The following ABCF3 variants were observed in gnomAD, a reference collection of about 807,000 sequenced individuals.
The protein encoded by ABCF3 is ATP-binding cassette sub-family F member 3.
A neutral mutation model predicts 94.3 loss-of-function variants in ABCF3; 62 were observed. The ratio of observed to expected loss-of-function variants is 0.66; its 90% CI spans 0.54 to 0.81. The LOEUF is 0.81. ABCF3 is among the 40% of genes least tolerant of loss of function. The pLI is 0.00. For missense variants in ABCF3, 843 were observed against 925.3 expected (o/e 0.91, Z 1.15); for synonymous variants, 355 against 361.1 (o/e 0.98, Z 0.19).
At chr3:184,191,766 G>T (rs62287470) in intron 16 of ABCF3, among the ~76,000 whole-genome samples, 1 of 47,784 alleles carries the variant, frequency 2.1e-5, no homozygotes, top group Non-Finnish European at 4.4e-5. Flanking sequence ...TTTTTTTTCG[G>T]AGACAGAGTC....
In ABCF3 at chr3:184,187,654, G is replaced by A; in HGVS notation, c.349-10G>A. ...ACCCGAGAGTGAAGTCGATGTGTTT[G>A]GACCCTTAGACAGTGAATGCAAAGA... On this transcript the variant is annotated splice_polypyrimidine_tract_variant and intron_variant, in intron 4 of 20. Transcript: ENST00000429586. 2 of 1,614,028 alleles carry A rather than the reference G, an allele frequency of 1.2e-6. No homozygotes were observed. The highest frequency in any genetic ancestry group is 1.7e-6 in the Non-Finnish European group (2 of 1,179,880).
rs781339240 is a variant in ABCF3, at chr3:184,189,623, A to G, written c.1180A>G (p.Ile394Val). 1.9e-6 allele frequency: 3 copies of G among 1,614,206 alleles called. No individual in the cohort carries two copies. The highest frequency in any genetic ancestry group is 1.7e-5 in the Admixed American group (1 of 60,026). The change falls in exon 13 of 21, where the codon ATC becomes GTC. Residue 394 changes from isoleucine (I) to valine (V), a missense_variant. Transcript: ENST00000429586. ...RNFLNAIATD[I>V]IHLHSQRLDG... ...CTTCTTGAATGCCATCGCCACAGAC[A>G]TCATCCACCTGCACAGCCAGCGGCT...
chr3:184,186,475 A>T, intron 1 of ABCF3, 32 bp from the exon 2 acceptor site: 7 of 1,596,014 alleles, frequency 4.4e-6, no homozygotes, highest in South Asian at 1.1e-5. Flanking sequence ...ACCCTACCCG[A>T]TACCTTCCTC....
At chr3:184,191,074 A>G in intron 15 of ABCF3, 31 bp downstream of exon 15, 2 of 1,614,120 alleles carry the variant, frequency 1.2e-6, no homozygotes, top group Non-Finnish European at 1.7e-6. Flanking sequence ...GCTGGTGGGG[A>G]ATTGCTTGCT....
chr3:184,187,853 C>A lies in ABCF3; in HGVS notation c.447-8C>A. 6.2e-7 allele frequency: 1 copy of A among 1,614,114 alleles called. No individual in the cohort carries two copies. Among genetic ancestry groups the A allele is most frequent in the Non-Finnish European group, 8.5e-7 (1 of 1,180,038 alleles). On this transcript the variant is annotated splice_region_variant and splice_polypyrimidine_tract_variant and intron_variant, in intron 5 of 20. Coordinates refer to ENST00000429586, the MANE Select transcript of ABCF3 (RefSeq NM_018358.3). ...AGCACTAAGAGCTGTCCATTTCTCC[C>A]TTTAAAGAGTCTTAGAAGAGGCATC... is the stretch of plus-strand genomic sequence containing the variant.
rs1716135752 is a variant in ABCF3, at chr3:184,193,150, C to T, written c.1799C>T (p.Ser600Phe). The T allele has an allele frequency of 6.4e-7, 1 of 1,564,280 alleles. No individual in the cohort carries two copies. The highest frequency in any genetic ancestry group is 8.6e-7 in the Non-Finnish European group (1 of 1,156,240). ...YRHQLGRYGI[S>F]GELAMRPLAS... The stretch of plus-strand genomic sequence containing the variant: ...CACCAGCTGGGTCGGTATGGCATCT[C>T]CGGAGAACTGGCCATGCGTCCTCTT... The change falls in exon 19 of 21, where the codon TCC becomes TTC. Residue 600 changes from serine to phenylalanine, a missense_variant. Transcript: ENST00000429586. The surrounding 1 kb of genome is among the most constrained non-coding windows in gnomAD (Gnocchi z 5.2).
chr3:184,186,739 G>A, intron 2 of ABCF3, 57 bp from the exon 3 acceptor site: 1 of 1,594,532 alleles, frequency 6.3e-7, no homozygotes, highest in Non-Finnish European at 8.6e-7. Context: ...AGATCTGATG[G>A]CCATAGAGCT....
chr3:184,187,258 A>G (rs1715693466), intron 3 of ABCF3, 139 bp from the exon 4 acceptor site: 3 of 915,168 alleles, frequency 3.3e-6, no homozygotes, highest in Non-Finnish European at 5.2e-6. Flanking sequence ...TAGTGCAGGG[A>G]AGATAATAGC....
intron 14 of ABCF3, 94 bp downstream of exon 14, chr3:184,190,025 C>T (rs2109043245): frequency 1.5e-6 from 2 of 1,353,964 alleles, no homozygotes; most frequent in South Asian, 2.4e-5. Flanking sequence ...TCTAGGTCTC[C>T]CCTTCGCTAG....
chr3:184,193,066 C>T lies in ABCF3; in HGVS notation c.1751-36C>T, dbSNP rs1577070893. 1 of 1,535,028 alleles carries T rather than the reference C, an allele frequency of 6.5e-7. No homozygotes were observed. The highest frequency in any genetic ancestry group is 8.8e-7 in the Non-Finnish European group (1 of 1,141,738). Reference sequence around the variant, plus strand: ...TGGAGGGCACAGGGAGGGTGTTGGGCCAAGAAGCCACCTGATCTGGGGAGT... The same window carrying T: ...TGGAGGGCACAGGGAGGGTGTTGGGTCAAGAAGCCACCTGATCTGGGGAGT... On this transcript the variant is annotated intron_variant, in intron 18 of 20. Coordinates refer to ENST00000429586, the MANE Select transcript of ABCF3 (RefSeq NM_018358.3). The surrounding 1 kb of genome is among the most constrained non-coding windows in gnomAD (Gnocchi z 5.2).
chr3:184,186,973 C>A, intron 3 of ABCF3, 98 bp downstream of exon 3: 1 of 1,266,890 alleles, frequency 7.9e-7, no homozygotes, highest in Non-Finnish European at 1.1e-6. Flanking sequence ...GTCTTTTCCA[C>A]AGGACAAGGT....
chr3:184,187,780 GC>G lies in ABCF3; in HGVS notation c.446+20del, dbSNP rs1199365728. On this transcript the variant is annotated intron_variant, in intron 5 of 20. Transcript: ENST00000429586. ...ACCCTCTGTGAGTGGGGGAAGCATG[GC>G]TCAGAAGAGAGCAGAGCAGCTTTTG... The G allele has an allele frequency of 3.1e-6, 5 of 1,614,034 alleles. No individual in the cohort carries two copies. In the African/African-American group the frequency reaches 5.3e-5, roughly 17 times the overall value.
intron 8 of ABCF3, 28 bp from the exon 9 acceptor site, chr3:184,188,901 C>T: frequency 6.2e-7 from 1 of 1,614,212 alleles, no homozygotes; most frequent in Non-Finnish European, 8.5e-7. Flanking sequence ...ACTGTTCCAA[C>T]TGAGTTCTTC....
rs747378033 is a variant in ABCF3 at position 184,187,768 on chromosome 3, G to A, written c.446+7G>A. ...TCAAGACCAGCAACCCTCTGTGAGT[G>A]GGGGAAGCATGGCTCAGAAGAGAGC... On this transcript the variant is annotated splice_region_variant and intron_variant, in intron 5 of 20. Coordinates refer to ENST00000429586, the MANE Select transcript of ABCF3 (RefSeq NM_018358.3). The A allele has an allele frequency of 5.0e-6, 8 of 1,614,042 alleles. No individual in the cohort carries two copies. Among genetic ancestry groups the A allele is most frequent in the Non-Finnish European group, 6.8e-6 (8 of 1,180,030 alleles).
At chr3:184,186,905 C>T (rs760152065) in intron 3 of ABCF3, 30 bp downstream of exon 3, 8 of 1,597,798 alleles carry the variant, frequency 5.0e-6, no homozygotes, top group Non-Finnish European at 5.1e-6. Flanking sequence ...GAACTAACTG[C>T]CCCCCTGTGC....
In ABCF3 at chr3:184,186,218, G is replaced by A. The variant is rs767358501; in HGVS notation, c.11G>A (p.Cys4Tyr). The change falls in exon 1 of 21, where the codon TGC becomes TAC. Residue 4 changes from cysteine to tyrosine, a missense_variant. Physicochemically the swap from Cys to Tyr is radical, Grantham distance 194 (BLOSUM62 -2). Transcript: ENST00000429586. MAT[C>Y]AEILRSEFPE... Reference sequence around the variant, plus strand: ...GTTCCTGAGTGGAACATGGCGACTTGCGCCGAAATCCTGCGGAGCGAGTTC... The same window carrying A: ...GTTCCTGAGTGGAACATGGCGACTTACGCCGAAATCCTGCGGAGCGAGTTC... 8 of 1,614,082 alleles carry A rather than the reference G, an allele frequency of 5.0e-6. No homozygotes were observed. The highest frequency in any genetic ancestry group is 3.4e-6 in the Non-Finnish European group (4 of 1,180,056).
intron 14 of ABCF3, 187 bp downstream of exon 14, chr3:184,190,118 C>T: frequency 1.6e-6 from 1 of 616,872 alleles, no homozygotes; most frequent in East Asian, 2.8e-5. Flanking sequence ...TAGCACATGG[C>T]AACCACTAAT....
In ABCF3 at chr3:184,189,115, G is replaced by GCTGGCC. The variant is rs1715843804; in HGVS notation, c.1013_1018dup (p.Leu338_Ala339dup). ...AGTTCTCAGGTGGCTGGAGGATGAG[G>GCTGGCC]CTGGCCCTGGCCCGGGCCCTCTTTG... On this transcript the variant is annotated inframe_insertion, in exon 10 of 21. Transcript: ENST00000429586. 1.9e-6 allele frequency: 3 copies of GCTGGCC among 1,614,064 alleles called. No homozygotes were observed. Among genetic ancestry groups the GCTGGCC allele is most frequent in the Non-Finnish European group, 2.5e-6 (3 of 1,180,046 alleles).
At chr3:184,189,209 A>G (rs576720551) in intron 10 of ABCF3, 46 bp from the exon 11 acceptor site, 10 of 1,614,178 alleles carry the variant, frequency 6.2e-6, no homozygotes, top group East Asian at 2.2e-5. Context: ...GGGAGGTGGC[A>G]TGAGTTGCTG....
Sources: allele counts gnomAD v4.1 joint callset (sites outside exome capture counted in the v4.1 genomes callset), GRCh38; gene constraint gnomAD v4.1.1; non-coding constraint Gnocchi (gnomAD v3.1); transcripts MANE v1.5; gene names NCBI Gene and HGNC (gene_info 2026-07-23, HGNC 2026-07-21).